Variants in RASA1 observed in about 807,000 individuals in gnomAD.
RASA1 encodes RAS p21 protein activator 1.
A neutral mutation model predicts 132.2 loss-of-function variants in RASA1; 25 were observed. That is an observed-to-expected ratio of 0.19 (90% CI 0.14 to 0.26). The LOEUF is 0.26. RASA1 is among the 10% of genes least tolerant of loss of function. The probability of loss-of-function intolerance (pLI) is 1.00; values close to 1 mark genes in which losing one functional copy is unlikely to be tolerated. For missense variants in RASA1, 964 were observed against 1,299.2 expected (o/e 0.74, Z 3.97); for synonymous variants, 477 against 449.9 (o/e 1.06, Z -0.76).
chr5:87,376,430 G>C lies in RASA1; in HGVS notation c.2049G>C (p.Gly683=), dbSNP rs886060841. The C allele has an allele frequency of 6.2e-7, 1 of 1,613,966 alleles. No individual in the cohort carries two copies. Among genetic ancestry groups the C allele is most frequent in the Non-Finnish European group, 8.5e-7 (1 of 1,179,974 alleles). ...MRCQLSRLQK[G]HATDEWFLLS... is the part of the protein sequence containing the mutation. ...GCCAGTTGAGCCGATTACAGAAAGG[G>C]CATGCCACAGATGAATGGTTTCTGC... The change falls in exon 16 of 25, where the codon GGG becomes GGC. Residue 683 remains glycine (G), a synonymous_variant. Coordinates refer to ENST00000274376, the MANE Select transcript of RASA1 (RefSeq NM_002890.3).
At chr5:87,325,993 A>G (rs1208745121) in intron 1 of RASA1, among the ~76,000 whole-genome samples, 1 of 151,442 alleles carries the variant, frequency 6.6e-6, no homozygotes, top group East Asian at 1.9e-4. Context: ...TTCCCCTGTG[A>G]CAGGGTCTCT....
In RASA1 at chr5:87,389,340, C is replaced by CA. The variant is rs368043768; in HGVS notation, c.2926-44dup. On this transcript the variant is annotated intron_variant, in intron 23 of 24. Transcript: ENST00000274376. ...GAGCGAAACTCTGTCTCAAAAAAAA[C>CA]AAAAAAAAAGAAGATTTGTATTTCT... The CA allele has an allele frequency of 7.8e-3, 12,263 of 1,576,930 alleles. 47 individuals are homozygous for CA. The highest frequency in any genetic ancestry group is 9.5e-3 in the Non-Finnish European group (10,934 of 1,153,226).
intron 1 of RASA1, among the ~76,000 whole-genome samples, chr5:87,274,921 CCTGT>C (rs1023233766): frequency 3.3e-5 from 5 of 152,120 alleles, no homozygotes; most frequent in Non-Finnish European, 7.4e-5. Flanking sequence ...CTTTTAGTTA[CCTGT>C]GGTCTGGAGG....
intron 1 of RASA1, among the ~76,000 whole-genome samples, chr5:87,276,623 A>G (rs1268649326): frequency 6.6e-6 from 1 of 152,178 alleles, no homozygotes; most frequent in Non-Finnish European, 1.5e-5. Context: ...GTGCAGGTAA[A>G]TTTTTCAAAT....
chr5:87,277,165 G>A (rs1357164773), intron 1 of RASA1, among the ~76,000 whole-genome samples: 3 of 152,150 alleles, frequency 2.0e-5, no homozygotes, highest in East Asian at 3.8e-4. Context: ...GAGTGATAGA[G>A]CTGGAATTTT....
At chr5:87,372,027 A>G (rs1760984067) in intron 12 of RASA1, 91 bp from the exon 13 acceptor site, 11 of 1,024,242 alleles carry the variant, frequency 1.1e-5, no homozygotes, top group Middle Eastern at 2.1e-4. Context: ...GAAGGAAAAA[A>G]TTGTTGAATT....
At chr5:87,371,711 C>G (rs1018835303) in intron 12 of RASA1, among the ~76,000 whole-genome samples, 1 of 152,192 alleles carries the variant, frequency 6.6e-6, no homozygotes, top group Admixed American at 6.5e-5. Context: ...AGCACTCTCC[C>G]CCTCTCACAA....
intron 22 of RASA1, among the ~76,000 whole-genome samples, chr5:87,386,040 T>G (rs1762041218): frequency 6.6e-6 from 1 of 152,038 alleles, no homozygotes; most frequent in Non-Finnish European, 1.5e-5. Flanking sequence ...GTTACAAGAT[T>G]TCCTGTCAGC....
chr5:87,364,650 T>G (rs1760369738), intron 11 of RASA1, among the ~76,000 whole-genome samples: 1 of 152,124 alleles, frequency 6.6e-6, no homozygotes, highest in African/African-American at 2.4e-5. Flanking sequence ...TGTGGTTGAT[T>G]CAGGCCTCTG....
At chr5:87,368,733 T>G (rs1211699245) in intron 11 of RASA1, among the ~76,000 whole-genome samples, 2 of 152,196 alleles carry the variant, frequency 1.3e-5, no homozygotes, top group Admixed American at 6.5e-5. Flanking sequence ...AGGAACTATT[T>G]TCTGCTTAGC....
intron 1 of RASA1, among the ~76,000 whole-genome samples, chr5:87,270,336 GT>G (rs746245930): frequency 4.4e-4 from 62 of 141,540 alleles, no homozygotes; most frequent in African/African-American, 5.9e-4. Context: ...CAATTCAGAG[GT>G]TTTTTTTTTT....
At chr5:87,351,542 A>G (rs1759277080) in intron 8 of RASA1, among the ~76,000 whole-genome samples, 1 of 151,754 alleles carries the variant, frequency 6.6e-6, no homozygotes, top group Admixed American at 6.6e-5. Flanking sequence ...ATTAAAATAC[A>G]GAACACAGTG....
rs755756362 is a variant in RASA1, at chr5:87,376,460, C to T, written c.2079C>T (p.Ser693=). 6.2e-7 allele frequency: 1 copy of T among 1,613,988 alleles called. No individual in the cohort carries two copies. The highest frequency in any genetic ancestry group is 1.1e-5 in the South Asian group (1 of 91,082). ...CCACAGATGAATGGTTTCTGCTCAG[C>T]TCCCATATACCATTAAAAGGTATTG... The part of the protein sequence containing the change: ...GHATDEWFLL[S]SHIPLKGIEP... Residue 693 remains serine (S), a synonymous_variant, in exon 16 of 25, where the codon AGC becomes AGT. Transcript: ENST00000274376.
At chr5:87,338,562 G>T (rs1758199539) in intron 5 of RASA1, among the ~76,000 whole-genome samples, 1 of 122,860 alleles carries the variant, frequency 8.1e-6, no homozygotes, top group African/African-American at 3.1e-5. Context: ...AGTAGAAATG[G>T]GGTTTTACCA....
chr5:87,335,419 GTTTT>G (rs34986349), intron 4 of RASA1, among the ~76,000 whole-genome samples: 20 of 72,926 alleles, frequency 2.7e-4, no homozygotes, highest in African/African-American at 6.1e-4. Context: ...AAAGAATGAG[GTTTT>G]TTTTTTTTTT....
chr5:87,322,487 AG>A (rs1199435109), intron 1 of RASA1, among the ~76,000 whole-genome samples: 1 of 152,202 alleles, frequency 6.6e-6, no homozygotes, highest in Non-Finnish European at 1.5e-5. Flanking sequence ...TAAATCAGTC[AG>A]TCCCTGGTGC....
intron 1 of RASA1, among the ~76,000 whole-genome samples, chr5:87,293,522 A>T (rs1230024294): frequency 6.6e-5 from 10 of 152,146 alleles, no homozygotes; most frequent in Admixed American, 5.9e-4. Context: ...TATGTTCATA[A>T]GAGATTGGTC....
At chr5:87,285,330 G>T (rs1754502368) in intron 1 of RASA1, among the ~76,000 whole-genome samples, 1 of 151,904 alleles carries the variant, frequency 6.6e-6, no homozygotes, top group Non-Finnish European at 1.5e-5. Context: ...GCCTCCCAAA[G>T]TGCTGGGATT....
chr5:87,329,988 G>T (rs1757494031), intron 1 of RASA1, among the ~76,000 whole-genome samples: 1 of 152,086 alleles, frequency 6.6e-6, no homozygotes, highest in South Asian at 2.1e-4. Context: ...AAAGATAATG[G>T]CTGAACTAAG....
Sources: gnomAD v4.1 joint callset for allele counts (sites outside exome capture counted in the v4.1 genomes callset) on GRCh38, gnomAD v4.1.1 for gene constraint, MANE v1.5 for transcripts, NCBI Gene and HGNC (gene_info 2026-07-23, HGNC 2026-07-21) for gene names.